RFC3: variants seen among roughly 807,000 people sequenced by gnomAD.
The protein encoded by RFC3 is A1 38 kDa subunit.
A neutral mutation model predicts 45.1 loss-of-function variants in RFC3; 41 were observed. The observed-to-expected ratio is 0.91, with a 90% confidence interval of 0.71 to 1.18. The LOEUF is 1.18. Ranked by LOEUF, RFC3 falls within the 50% of genes most tolerant of loss-of-function variation. The probability of loss-of-function intolerance (pLI) is 0.00; values close to 1 mark genes in which losing one functional copy is unlikely to be tolerated. For synonymous variants in RFC3, 149 were observed against 144.0 expected (o/e 1.03, Z -0.25); for missense variants, 423 against 428.1 (o/e 0.99, Z 0.10).
intron 8 of RFC3, chr13:33,850,910 C>T (rs183767256): frequency 4.9e-4 from 75 of 152,202 alleles, no homozygotes; most frequent in African/African-American, 1.6e-3. Context: ...GAAAACATAA[C>T]TAAGACAATT....
intron 8 of RFC3, among the ~76,000 whole-genome samples, chr13:33,917,579 C>T (rs894124354): frequency 6.6e-6 from 1 of 152,090 alleles, no homozygotes; most frequent in Non-Finnish European, 1.5e-5. Flanking sequence ...TCTCAACCCT[C>T]CACATGCTGG....
chr13:33,834,217 T>C (rs745866562), intron 7 of RFC3, among the ~76,000 whole-genome samples: 2 of 149,490 alleles, frequency 1.3e-5, no homozygotes, highest in Admixed American at 6.7e-5. Flanking sequence ...TCCTGACGTC[T>C]TAGGATTGAC....
At chr13:33,903,979 T>C (rs2082657043) in intron 8 of RFC3, among the ~76,000 whole-genome samples, 1 of 152,114 alleles carries the variant, frequency 6.6e-6, no homozygotes. Flanking sequence ...CTAACATCGT[T>C]TTCTTCCCTG....
rs548862454 is a variant in RFC3 at position 33,820,460 on chromosome 13, A to G, written c.88-672A>G. On this transcript the variant is annotated intron_variant, in intron 1 of 8. Transcript: ENST00000380071. ...AGCTTCCCCACCCTTTGGGTGGGTT[A>G]ACACTCTGGTGGGTGTTTATGTTGG... 2.6e-5 allele frequency among the ~76,000 whole-genome samples: 4 copies of G among 152,358 alleles called. No homozygotes were observed. The South Asian group carries it at 8.3e-4, about 32-fold the overall frequency.
intron 8 of RFC3, among the ~76,000 whole-genome samples, chr13:33,902,559 A>G (rs1211769904): frequency 6.6e-6 from 1 of 152,106 alleles, no homozygotes; most frequent in East Asian, 1.9e-4. Flanking sequence ...TAGTTTAATA[A>G]TATTATACTG....
chr13:33,879,230 A>C (rs542207886), intron 8 of RFC3, among the ~76,000 whole-genome samples: 1 of 152,256 alleles, frequency 6.6e-6, no homozygotes, highest in Non-Finnish European at 1.5e-5. Context: ...ACTAGACACA[A>C]TAGAACAATT....
intron 8 of RFC3, among the ~76,000 whole-genome samples, chr13:33,957,172 T>C (rs1007748027): frequency 1.7e-4 from 26 of 152,216 alleles, no homozygotes; most frequent in Admixed American, 8.5e-4. Flanking sequence ...GGTTATTTAT[T>C]TCTTTCTCTT....
chr13:33,834,298 G>GTATATATATATATATATATATATA (rs58858615), intron 7 of RFC3, among the ~76,000 whole-genome samples: 7 of 109,202 alleles, frequency 6.4e-5, no homozygotes, highest in African/African-American at 2.9e-4. Context: ...TGTACTGTGT[G>GTATATATATATATATATATATATA]TATATATATA....
At chr13:33,929,650 C>G (rs1327496940) in intron 8 of RFC3, among the ~76,000 whole-genome samples, 1 of 151,888 alleles carries the variant, frequency 6.6e-6, no homozygotes, top group Non-Finnish European at 1.5e-5. Flanking sequence ...CTATAATTTT[C>G]TCTATAAATG....
intron 8 of RFC3, among the ~76,000 whole-genome samples, chr13:33,870,099 ATT>A (rs1257462021): frequency 6.6e-6 from 1 of 152,188 alleles, no homozygotes; most frequent in Non-Finnish European, 1.5e-5. Flanking sequence ...TGCTCGGAAT[ATT>A]TTGGATTCTG....
Position 33,890,607 on chromosome 13 carries a change from A to T in RFC3, c.879+55390A>T, listed in dbSNP as rs75557996. ...CTTCGGAAAATCTATGAATCTTTGG[A>T]CCCTCATGTTTATTTATCATTTACT... is the stretch of plus-strand genomic sequence containing the variant. On this transcript the variant is annotated intron_variant, in intron 8 of 8. Transcript: ENST00000434425. 9.7e-3 allele frequency among the ~76,000 whole-genome samples: 1,472 copies of T among 152,208 alleles called. 25 individuals are homozygous for T. Among genetic ancestry groups the T allele is most frequent in the African/African-American group, 0.033 (1,379 of 41,520 alleles).
chr13:33,935,098 CT>C (rs752979425), intron 8 of RFC3, among the ~76,000 whole-genome samples: 1 of 151,888 alleles, frequency 6.6e-6, no homozygotes, highest in South Asian at 2.1e-4. Context: ...TCAATTTTTC[CT>C]TTGAAATGTT....
At chr13:33,904,608 C>T (rs2082660882) in intron 8 of RFC3, among the ~76,000 whole-genome samples, 1 of 152,080 alleles carries the variant, frequency 6.6e-6, no homozygotes, top group Non-Finnish European at 1.5e-5. Flanking sequence ...GATCATGTCA[C>T]ATCCTTTAAA....
At chr13:33,938,507 T>C (rs1024955659) in intron 8 of RFC3, among the ~76,000 whole-genome samples, 3 of 152,112 alleles carry the variant, frequency 2.0e-5, no homozygotes, top group Admixed American at 6.6e-5. Context: ...TTTTTAACAC[T>C]ATGGTGTTAA....
chr13:33,956,563 T>A (rs1290627673), intron 8 of RFC3, among the ~76,000 whole-genome samples: 2 of 152,206 alleles, frequency 1.3e-5, no homozygotes, highest in African/African-American at 4.8e-5. Flanking sequence ...AAAAAGTATT[T>A]CCATATGCCC....
At chr13:33,875,142 C>T (rs990994435) in intron 8 of RFC3, among the ~76,000 whole-genome samples, 9 of 152,184 alleles carry the variant, frequency 5.9e-5, no homozygotes, top group South Asian at 2.1e-4. Flanking sequence ...CATTGTGCCA[C>T]GCTTTGGTAA....
At chr13:33,924,602 A>C (rs2082790358) in intron 8 of RFC3, among the ~76,000 whole-genome samples, 1 of 150,558 alleles carries the variant, frequency 6.6e-6, no homozygotes, top group South Asian at 2.1e-4. Flanking sequence ...ATGATTATAT[A>C]TATATATGTA....
chr13:33,826,341 T>C (rs539028413), intron 4 of RFC3, among the ~76,000 whole-genome samples: 1 of 152,288 alleles, frequency 6.6e-6, no homozygotes, highest in Admixed American at 6.5e-5. Flanking sequence ...TTTTGCCAAA[T>C]TCTCTATCTG....
At chr13:33,835,277 G>T in intron 8 of RFC3, 60 bp downstream of exon 8, 2 of 1,020,424 alleles carry the variant, frequency 2.0e-6, no homozygotes, top group African/African-American at 1.6e-5. Context: ...CTGGGTGTGT[G>T]ATCATAGGGC....
Sources: gnomAD v4.1 joint callset for allele counts (sites outside exome capture counted in the v4.1 genomes callset) on GRCh38, gnomAD v4.1.1 for gene constraint, MANE v1.5 for transcripts, NCBI Gene and HGNC (gene_info 2026-07-23, HGNC 2026-07-21) for gene names.